Variants in GAB2 observed in about 807,000 individuals in gnomAD.
GAB2 encodes the protein GRB2-associated-binding protein 2.
A neutral mutation model predicts 65.5 loss-of-function variants in GAB2; 26 were observed. That is an observed-to-expected ratio of 0.40 (90% CI 0.29 to 0.55). The LOEUF is 0.55. Ranked by LOEUF, GAB2 falls within the 20% of genes least tolerant of loss-of-function variation. The probability of loss-of-function intolerance (pLI) is 0.53; values close to 1 mark genes in which losing one functional copy is unlikely to be tolerated. For missense variants in GAB2, 884 were observed against 875.8 expected (o/e 1.01, Z -0.12); for synonymous variants, 321 against 329.6 (o/e 0.97, Z 0.28).
At chr11:78,267,884 GTC>G (rs1280191299) in intron 2 of GAB2, among the ~76,000 whole-genome samples, 1 of 120,896 alleles carries the variant, frequency 8.3e-6, no homozygotes, top group Non-Finnish European at 1.7e-5. Flanking sequence ...AAAAAAAAGA[GTC>G]TCTGAATAAA....
chr11:78,273,880 C>A (rs1015296951), intron 2 of GAB2, among the ~76,000 whole-genome samples: 2 of 152,280 alleles, frequency 1.3e-5, no homozygotes, highest in African/African-American at 4.8e-5. Flanking sequence ...AAGAGGAGTT[C>A]CCCTGTAAGA....
intron 1 of GAB2, among the ~76,000 whole-genome samples, chr11:78,407,813 T>G (rs922080238): frequency 6.6e-6 from 1 of 151,876 alleles, no homozygotes; most frequent in African/African-American, 2.4e-5. Context: ...AAAGAGGGCA[T>G]TTTACCTCCT....
At chr11:78,297,955 G>A (rs894885498) in intron 1 of GAB2, among the ~76,000 whole-genome samples, 1 of 151,942 alleles carries the variant, frequency 6.6e-6, no homozygotes, top group Non-Finnish European at 1.5e-5. Flanking sequence ...GAGGGGAATG[G>A]GCATATAAGA....
chr11:78,398,314 C>G (rs200766874), intron 1 of GAB2, among the ~76,000 whole-genome samples: 2 of 152,232 alleles, frequency 1.3e-5, no homozygotes, highest in East Asian at 1.9e-4. Flanking sequence ...AGACATGCCA[C>G]CTATATGACA....
chr11:78,300,414 T>C (rs1033206752), intron 1 of GAB2, among the ~76,000 whole-genome samples: 2 of 151,920 alleles, frequency 1.3e-5, no homozygotes, highest in Non-Finnish European at 2.9e-5. Context: ...CTATGAACAT[T>C]ATTGTACAAG....
At chr11:78,359,616 GA>G (rs1856406238) in intron 1 of GAB2, among the ~76,000 whole-genome samples, 1 of 152,104 alleles carries the variant, frequency 6.6e-6, no homozygotes, top group Non-Finnish European at 1.5e-5. Flanking sequence ...TGACATAAAA[GA>G]AAACAAAGAC....
At chr11:78,245,854 T>C (rs1445999655) in intron 3 of GAB2, among the ~76,000 whole-genome samples, 1 of 152,240 alleles carries the variant, frequency 6.6e-6, no homozygotes, top group Non-Finnish European at 1.5e-5. Flanking sequence ...TTTTCCTTTA[T>C]CTGAGAACGT....
intron 1 of GAB2, among the ~76,000 whole-genome samples, chr11:78,399,816 T>C: frequency 6.6e-6 from 1 of 152,182 alleles, no homozygotes; most frequent in South Asian, 2.1e-4. Flanking sequence ...TTTTTTCACA[T>C]GTTATTCTGA....
At chr11:78,258,964 A>G (rs563167529) in intron 2 of GAB2, among the ~76,000 whole-genome samples, 1 of 152,156 alleles carries the variant, frequency 6.6e-6, no homozygotes, top group Non-Finnish European at 1.5e-5. Context: ...AGATTATTTC[A>G]TCACCCAGGT....
At chr11:78,242,921 G>C (rs560610018) in intron 3 of GAB2, among the ~76,000 whole-genome samples, 1 of 152,330 alleles carries the variant, frequency 6.6e-6, no homozygotes, top group African/African-American at 2.4e-5. Context: ...CCAGCACTTT[G>C]GGAGGCTGAG....
intron 1 of GAB2, among the ~76,000 whole-genome samples, chr11:78,284,225 A>G (rs1024819861): frequency 1.3e-5 from 2 of 152,176 alleles, no homozygotes; most frequent in African/African-American, 2.4e-5. Context: ...TATATCAACA[A>G]TGAGCTTGCT....
chr11:78,279,828 T>G (rs1950788584), intron 2 of GAB2, among the ~76,000 whole-genome samples: 1 of 152,194 alleles, frequency 6.6e-6, no homozygotes, highest in South Asian at 2.1e-4. Context: ...TGTTTCCACT[T>G]TTTGGCTATT....
intron 1 of GAB2, among the ~76,000 whole-genome samples, chr11:78,309,685 C>T (rs1855447053): frequency 1.3e-5 from 2 of 152,022 alleles, no homozygotes; most frequent in Non-Finnish European, 2.9e-5. Flanking sequence ...TGATATTCAA[C>T]TGGTCTCAGC....
intron 8 of GAB2, 124 bp from the exon 9 acceptor site, chr11:78,220,568 T>A: frequency 1.4e-6 from 1 of 721,062 alleles, no homozygotes; most frequent in Non-Finnish European, 2.2e-6. Flanking sequence ...TGCACCATGC[T>A]AAGGACTTTT....
chr11:78,250,138 G>A lies in GAB2; in HGVS notation c.620+19C>T. On this transcript the variant is annotated intron_variant, in intron 3 of 9. Transcript: ENST00000361507. ...GTGAGCGGTCACTAACCCACCTAATGGCTGTGGCAGCCTCCTACCTTGCAT... is the reference window on the plus strand; with the variant it reads ...GTGAGCGGTCACTAACCCACCTAATAGCTGTGGCAGCCTCCTACCTTGCAT... 1 of 1,611,286 alleles carries A rather than the reference G, an allele frequency of 6.2e-7. No homozygotes were observed. The highest frequency in any genetic ancestry group is 8.5e-7 in the Non-Finnish European group (1 of 1,179,608).
intron 1 of GAB2, among the ~76,000 whole-genome samples, chr11:78,409,952 AAGAC>A (rs1376822387): frequency 1.3e-5 from 2 of 152,208 alleles, no homozygotes; most frequent in African/African-American, 4.8e-5. Context: ...TTCCAACTAA[AAGAC>A]AGAAACAGAA....
At chr11:78,230,135 G>A (rs1016825279) in intron 3 of GAB2, among the ~76,000 whole-genome samples, 7 of 152,270 alleles carry the variant, frequency 4.6e-5, no homozygotes, top group Middle Eastern at 3.4e-3. Context: ...ATGAATAAAC[G>A]TTTGTTGTAA....
chr11:78,378,658 G>C (rs1383724390), intron 1 of GAB2, among the ~76,000 whole-genome samples: 1 of 151,786 alleles, frequency 6.6e-6, no homozygotes, highest in Non-Finnish European at 1.5e-5. Flanking sequence ...TTTTCTTTTT[G>C]TTCTTTTGTT....
chr11:78,285,206 A>C (rs1165952108), intron 1 of GAB2, among the ~76,000 whole-genome samples: 1 of 152,188 alleles, frequency 6.6e-6, no homozygotes, highest in African/African-American at 2.4e-5. Flanking sequence ...TGTCCCCGTT[A>C]GTCTTGTCTC....
Sources: gnomAD v4.1 joint callset for allele counts (sites outside exome capture counted in the v4.1 genomes callset) on GRCh38, gnomAD v4.1.1 for gene constraint, MANE v1.5 for transcripts, NCBI Gene and HGNC (gene_info 2026-07-23, HGNC 2026-07-21) for gene names.